IL1R2: variants seen among roughly 807,000 people sequenced by gnomAD.
IL1R2 encodes interleukin 1 receptor type 2, also known as interleukin-1 receptor type 2.
Under a neutral mutation model 39.5 loss-of-function variants are expected in IL1R2, and 46 were observed. The ratio of observed to expected loss-of-function variants is 1.16; its 90% CI spans 0.92 to 1.49. The LOEUF is 1.49. IL1R2 is among the 40% of genes most tolerant of loss of function. The pLI, the probability that IL1R2 is intolerant of heterozygous loss-of-function variation, is 0.00. For missense variants in IL1R2, 537 were observed against 502.0 expected (o/e 1.07, Z -0.67); for synonymous variants, 207 against 189.6 (o/e 1.09, Z -0.75).
chr2:102,002,467 CTGTG>C (rs1344251872), intron 1 of IL1R2, among the ~76,000 whole-genome samples: 24 of 102,418 alleles, frequency 2.3e-4, no homozygotes, highest in African/African-American at 1.1e-3. Flanking sequence ...ATGTCTCTGT[CTGTG>C]TCTGTGTCTG....
rs760333497 is a variant in IL1R2, at chr2:102,026,260, A to C, written c.1030+7A>C. ...CGCACCACAGTCAAGGAAGGTATGTATGTATTTTGGGGAGCACTATAGGAG... is the reference window on the plus strand; with the variant it reads ...CGCACCACAGTCAAGGAAGGTATGTCTGTATTTTGGGGAGCACTATAGGAG... On this transcript the variant is annotated splice_region_variant and intron_variant, in intron 8 of 8. Transcript: ENST00000332549. 1.2e-6 allele frequency: 2 copies of C among 1,603,974 alleles called. No homozygotes were observed. Among genetic ancestry groups the C allele is most frequent in the Admixed American group, 3.5e-5 (2 of 57,938 alleles).
At chr2:102,026,749 A>G (rs1677769494) in intron 8 of IL1R2, among the ~76,000 whole-genome samples, 1 of 152,234 alleles carries the variant, frequency 6.6e-6, no homozygotes. Context: ...ATTTAAGGAC[A>G]TTTAAAAAGA....
chr2:102,004,256 T>C (rs1438929229), intron 1 of IL1R2, among the ~76,000 whole-genome samples: 1 of 152,192 alleles, frequency 6.6e-6, no homozygotes. Flanking sequence ...GTACTGTCTA[T>C]GACCAGAAGC....
chr2:101,992,580 G>A (rs1475614154), intron 1 of IL1R2, among the ~76,000 whole-genome samples: 1 of 151,516 alleles, frequency 6.6e-6, no homozygotes, highest in Non-Finnish European at 1.5e-5. Context: ...GAGAGACAGA[G>A]AGGCAGAGAA....
chr2:101,999,998 C>T lies in IL1R2; in HGVS notation c.-62+7987C>T, dbSNP rs182254004. 3.3e-5 allele frequency among the ~76,000 whole-genome samples: 5 copies of T among 152,256 alleles called. No homozygotes were observed. In the East Asian group the frequency reaches 9.7e-4, roughly 29 times the overall value. ...GTTGTACATATTTTTAGTATAGTAA[C>T]TGGTGTTAGCTAAGTTGCCAACTAC... On this transcript the variant is annotated intron_variant, in intron 1 of 8. Transcript: ENST00000332549.
chr2:102,010,541 G>T (rs909039337), intron 3 of IL1R2, among the ~76,000 whole-genome samples: 2 of 150,414 alleles, frequency 1.3e-5, no homozygotes, highest in Admixed American at 6.6e-5. Context: ...GAGCCACTGC[G>T]CTCCAGGCTG....
intron 6 of IL1R2, 58 bp downstream of exon 6, chr2:102,022,307 T>G: frequency 7.0e-7 from 1 of 1,433,728 alleles, no homozygotes; most frequent in Admixed American, 1.7e-5. Context: ...GGTATCCCAA[T>G]GCAGGGGGCT....
chr2:102,026,964 G>A (rs1353910158), intron 8 of IL1R2, among the ~76,000 whole-genome samples: 3 of 152,170 alleles, frequency 2.0e-5, no homozygotes, highest in Non-Finnish European at 4.4e-5. Context: ...ATTGCTCCAG[G>A]TCTCCATGTT....
Position 101,996,505 on chromosome 2 carries a change from T to TTTG in IL1R2, c.-62+4494_-62+4495insTTG, listed in dbSNP as rs55723899. On this transcript the variant is annotated intron_variant, in intron 1 of 8. Coordinates refer to ENST00000332549, the MANE Select transcript of IL1R2 (RefSeq NM_004633.4). ...TCAGTGTTTTTTTTTTTTTTTTTTT[T>TTTG]GGGGGGGAGAATGGCTGACTTCTTG... Among the ~76,000 whole-genome samples the TTTG allele has an allele frequency of 3.9e-3, 537 of 137,282 alleles. 3 individuals carry two copies. Among genetic ancestry groups the TTTG allele is most frequent in the African/African-American group, 6.7e-3 (232 of 34,746 alleles). 90.1% of individuals were successfully genotyped at this position (137,282 alleles called of 152,430 possible).
rs1020357909 is a variant in IL1R2 at position 102,022,363 on chromosome 2, G to A, written c.751+114G>A. 13 of 841,886 alleles carry A rather than the reference G, an allele frequency of 1.5e-5. No individual in the cohort carries two copies. The East Asian group carries it at 2.4e-4, about 16-fold the overall frequency. 52.2% of individuals were successfully genotyped at this position (841,886 alleles called of 1,614,324 possible). A position where few individuals can be genotyped will look rare whatever the true frequency, so the allele number is the denominator to read the frequency against. ...ATCATACCTGCTCCTTGGGTGCAAT[G>A]TGCCTGGGTGGAGACCTTAGAACTC... On this transcript the variant is annotated intron_variant, in intron 6 of 8. Coordinates refer to ENST00000332549, the MANE Select transcript of IL1R2 (RefSeq NM_004633.4).
In IL1R2 at chr2:102,028,347, T is replaced by G; in HGVS notation, c.1152T>G (p.Thr384=). Residue 384 remains threonine, a synonymous_variant, in exon 9 of 9, where the codon ACT becomes ACG. Transcript: ENST00000332549. ...GAACTGGAAAAGCAGATGGTCTGAC[T>G]GTGCTATGGCCTCATCATCAAGACT... ...KHRTGKADGL[T]VLWPHHQDFQ... is the part of the protein sequence containing the mutation. The G allele has an allele frequency of 6.2e-7, 1 of 1,610,216 alleles. No individual in the cohort carries two copies. Among genetic ancestry groups the G allele is most frequent in the South Asian group, 1.1e-5 (1 of 89,844 alleles).
chr2:102,013,962 T>C (rs2150442713), intron 3 of IL1R2, among the ~76,000 whole-genome samples: 1 of 152,240 alleles, frequency 6.6e-6, no homozygotes, highest in Admixed American at 6.5e-5. Context: ...GCACTACGAA[T>C]GACTATCACG....
chr2:102,012,502 G>T (rs1282920813), intron 3 of IL1R2, among the ~76,000 whole-genome samples: 2 of 151,902 alleles, frequency 1.3e-5, no homozygotes, highest in African/African-American at 2.4e-5. Context: ...AGGGTATGTG[G>T]GGGGTGGGAG....
rs1274497226 is a variant in IL1R2 at position 102,015,912 on chromosome 2, T to G, written c.374T>G (p.Val125Gly). The G allele has an allele frequency of 6.8e-6, 11 of 1,613,632 alleles. No homozygotes were observed. The African/African-American group carries it at 8.0e-5, about 12-fold the overall frequency. Residue 125 changes from valine to glycine, a missense_variant, in exon 4 of 9, where the codon GTT (valine) becomes GGT (glycine). Physicochemically the swap from Val to Gly is moderately radical, Grantham distance 109. Transcript: ENST00000332549. ...GACAAAATGTCCATTGAGCTCAGAG[T>G]TTTTGAGAATACAGATGCTTTCCTG... ...YCDKMSIELR[V>G]FENTDAFLPF... is the part of the protein sequence containing the mutation.
intron 1 of IL1R2, among the ~76,000 whole-genome samples, chr2:102,000,219 T>C (rs968249055): frequency 3.3e-5 from 5 of 152,210 alleles, no homozygotes; most frequent in Non-Finnish European, 7.3e-5. Context: ...CACTTTCTTT[T>C]TGCAGCACTG....
At chr2:102,006,492 C>T (rs915431312) in intron 1 of IL1R2, among the ~76,000 whole-genome samples, 1 of 152,146 alleles carries the variant, frequency 6.6e-6, no homozygotes, top group Non-Finnish European at 1.5e-5. Context: ...GGGAGGGTTT[C>T]TGGAGTGCGA....
intron 7 of IL1R2, among the ~76,000 whole-genome samples, chr2:102,025,311 G>A (rs1371902691): frequency 6.6e-6 from 1 of 152,158 alleles, no homozygotes; most frequent in Non-Finnish European, 1.5e-5. Flanking sequence ...GCTTTTGCTT[G>A]CCAAATGGTT....
At chr2:102,012,166 C>T (rs1234382094) in intron 3 of IL1R2, among the ~76,000 whole-genome samples, 1 of 152,196 alleles carries the variant, frequency 6.6e-6, no homozygotes, top group Admixed American at 6.5e-5. Flanking sequence ...TCTTCAGCTG[C>T]TTCATCTGTT....
At chr2:102,025,246 T>A (rs139937292) in intron 7 of IL1R2, among the ~76,000 whole-genome samples, 79 of 152,384 alleles carry the variant, frequency 5.2e-4, no homozygotes, top group African/African-American at 1.8e-3. Flanking sequence ...CCATTCAACA[T>A]TCCAAATTGT....
Sources: gnomAD v4.1 joint callset for allele counts (sites outside exome capture counted in the v4.1 genomes callset) on GRCh38, gnomAD v4.1.1 for gene constraint, MANE v1.5 for transcripts, NCBI Gene and HGNC (gene_info 2026-07-23, HGNC 2026-07-21) for gene names.